GPR158: variants seen among roughly 807,000 people sequenced by gnomAD.
GPR158 encodes the protein metabotropic glycine receptor.
In GPR158, 30 loss-of-function variants were observed where a neutral mutation model predicts 78.2. That is an observed-to-expected ratio of 0.38 (90% CI 0.29 to 0.52). The LOEUF (loss-of-function observed/expected upper bound fraction) is 0.52, where lower values mean the gene tolerates loss of function less well. Among genes scored for constraint, GPR158 ranks in the 20% least tolerant of loss-of-function variants. GPR158 has a pLI of 0.83. For missense variants in GPR158, 1,463 were observed against 1,523.5 expected (o/e 0.96, Z 0.66); for synonymous variants, 581 against 591.1 (o/e 0.98, Z 0.25).
intron 5 of GPR158, among the ~76,000 whole-genome samples, chr10:25,539,738 T>C (rs1479165285): frequency 6.6e-6 from 1 of 152,144 alleles, no homozygotes; most frequent in Non-Finnish European, 1.5e-5. Context: ...CATGGTTGTA[T>C]AAAGACACAT....
intron 1 of GPR158, among the ~76,000 whole-genome samples, chr10:25,204,795 G>C (rs1162193155): frequency 1.3e-5 from 2 of 148,446 alleles, no homozygotes; most frequent in African/African-American, 2.5e-5. Flanking sequence ...TGTGCACAGA[G>C]GTGTTCAAAG....
rs546010431 is a variant in GPR158 at position 25,307,524 on chromosome 10, C to T, written c.1008+86367C>T. 6.6e-5 allele frequency among the ~76,000 whole-genome samples: 10 copies of T among 152,086 alleles called. No individual in the cohort carries two copies. The South Asian group carries it at 8.3e-4, about 13-fold the overall frequency. ...TCAGTCTCCCAAGTAGCTGGGACTACAGGCATGTGCCACAATGCCTGGCTA... is the reference window on the plus strand; with the variant it reads ...TCAGTCTCCCAAGTAGCTGGGACTATAGGCATGTGCCACAATGCCTGGCTA... On this transcript the variant is annotated intron_variant, in intron 2 of 10. Transcript: ENST00000376351.
rs147952991 is a variant in GPR158, at chr10:25,268,172, A to G, written c.1008+47015A>G. Among the ~76,000 whole-genome samples the G allele has an allele frequency of 4.3e-3, 656 of 152,270 alleles. 6 individuals are homozygous for G. Among genetic ancestry groups the G allele is most frequent in the African/African-American group, 0.015 (619 of 41,568 alleles). On this transcript the variant is annotated intron_variant, in intron 2 of 10. Transcript: ENST00000376351. The stretch of plus-strand genomic sequence containing the variant: ...TTGAATACTCTCTATATAAAATCAA[A>G]TGAATACTCAATAAAGTGAGCTTAA...
chr10:25,463,834 A>G (rs1277616291), intron 4 of GPR158, among the ~76,000 whole-genome samples: 1 of 152,152 alleles, frequency 6.6e-6, no homozygotes, highest in Admixed American at 6.6e-5. Context: ...AAAATTGTAT[A>G]TTAATCCTTG....
At chr10:25,495,420 G>A (rs1835867937) in intron 5 of GPR158, among the ~76,000 whole-genome samples, 3 of 147,480 alleles carry the variant, frequency 2.0e-5, no homozygotes, top group Non-Finnish European at 4.5e-5. Flanking sequence ...AGCCTCCTGA[G>A]TAGCTGGGAC....
chr10:25,352,442 A>T (rs962413078), intron 2 of GPR158, among the ~76,000 whole-genome samples: 4 of 152,046 alleles, frequency 2.6e-5, no homozygotes, highest in Non-Finnish European at 4.4e-5. Context: ...CATTAAAATA[A>T]TATCTTAGTT....
intron 3 of GPR158, among the ~76,000 whole-genome samples, chr10:25,401,193 C>T (rs967318048): frequency 1.1e-4 from 17 of 152,014 alleles, no homozygotes; most frequent in South Asian, 2.1e-4. Context: ...CAAACTTAGA[C>T]GGAATAGATT....
chr10:25,455,907 T>C (rs1835285056), intron 4 of GPR158, among the ~76,000 whole-genome samples: 1 of 152,196 alleles, frequency 6.6e-6, no homozygotes, highest in Non-Finnish European at 1.5e-5. Flanking sequence ...TTAAGAATGA[T>C]ACATTCAATG....
At chr10:25,248,142 CG>C (rs1337813808) in intron 2 of GPR158, among the ~76,000 whole-genome samples, 1 of 151,876 alleles carries the variant, frequency 6.6e-6, no homozygotes, top group Non-Finnish European at 1.5e-5. Flanking sequence ...TCATATCCTT[CG>C]CCCACTTTTT....
intron 4 of GPR158, among the ~76,000 whole-genome samples, chr10:25,437,378 G>A (rs1325894363): frequency 3.7e-5 from 5 of 133,780 alleles, no homozygotes; most frequent in East Asian, 2.0e-4. Flanking sequence ...GGTGCACATC[G>A]CCAAGCCTGG....
rs1159894886 is a variant in GPR158, at chr10:25,176,359, C to T, written c.902+37C>T. On this transcript the variant is annotated intron_variant, in intron 1 of 10. Coordinates refer to ENST00000376351, the MANE Select transcript of GPR158 (RefSeq NM_020752.3). The surrounding 1 kb of genome is among the most constrained non-coding windows in gnomAD (Gnocchi z 6.3). ...CGGGGGGCAGGGGGGAAGGCAAAAG[C>T]GAAGCTTTCCTTCCGGTCTTGTGGG... 2 of 1,465,564 alleles carry T rather than the reference C, an allele frequency of 1.4e-6. No individual in the cohort carries two copies. The highest frequency in any genetic ancestry group is 1.8e-6 in the Non-Finnish European group (2 of 1,087,030). The allele number at this position is 1,465,564 out of a possible 1,614,324, so 90.8% of individuals were successfully genotyped here. A position where few individuals can be genotyped will look rare whatever the true frequency, so the allele number is the denominator to read the frequency against.
intron 2 of GPR158, among the ~76,000 whole-genome samples, chr10:25,359,363 C>T (rs1387293531): frequency 6.6e-6 from 1 of 152,032 alleles, no homozygotes; most frequent in Admixed American, 6.6e-5. Context: ...CACCCCTCCA[C>T]CCATCTTCTA....
chr10:25,594,550 G>T (rs1156399596), intron 9 of GPR158, among the ~76,000 whole-genome samples, 153 bp downstream of exon 9: 5 of 151,842 alleles, frequency 3.3e-5, no homozygotes, highest in Admixed American at 2.6e-4. Flanking sequence ...TTTTCTCTTT[G>T]AATTTTGGAA....
chr10:25,483,434 C>T (rs950403639), intron 5 of GPR158, among the ~76,000 whole-genome samples: 7 of 152,060 alleles, frequency 4.6e-5, no homozygotes, highest in Admixed American at 6.6e-5. Flanking sequence ...CCCGACTACC[C>T]GACTTTAAAT....
At chr10:25,571,358 T>G (rs1837005244) in intron 6 of GPR158, among the ~76,000 whole-genome samples, 1 of 152,204 alleles carries the variant, frequency 6.6e-6, no homozygotes. Flanking sequence ...TTGTGTTAAT[T>G]CAGGGAGAAT....
intron 1 of GPR158, among the ~76,000 whole-genome samples, chr10:25,191,089 TG>T (rs1852765942): frequency 6.6e-6 from 1 of 152,254 alleles, no homozygotes; most frequent in Non-Finnish European, 1.5e-5. Flanking sequence ...TATTTAGCAA[TG>T]TATCTGTCTT....
intron 2 of GPR158, among the ~76,000 whole-genome samples, chr10:25,309,088 G>A (rs981219936): frequency 5.9e-5 from 9 of 152,082 alleles, no homozygotes; most frequent in African/African-American, 1.7e-4. Flanking sequence ...AAGTATCTGT[G>A]TCATATGGTA....
chr10:25,280,743 G>A (rs879629876), intron 2 of GPR158, among the ~76,000 whole-genome samples: 6 of 152,022 alleles, frequency 3.9e-5, no homozygotes, highest in Non-Finnish European at 5.9e-5. Flanking sequence ...ATGTATGTAC[G>A]TACGTACATA....
At chr10:25,360,745 T>C (rs1008594685) in intron 2 of GPR158, among the ~76,000 whole-genome samples, 1 of 152,154 alleles carries the variant, frequency 6.6e-6, no homozygotes, top group Non-Finnish European at 1.5e-5. Context: ...CTATATGGGC[T>C]CTTTTTTTGT....
Sources: allele counts gnomAD v4.1 joint callset (sites outside exome capture counted in the v4.1 genomes callset), GRCh38; gene constraint gnomAD v4.1.1; non-coding constraint Gnocchi (gnomAD v3.1); transcripts MANE v1.5; gene names NCBI Gene and HGNC (gene_info 2026-07-23, HGNC 2026-07-21).